The following POLA1 variants were observed in gnomAD, a reference collection of about 807,000 sequenced individuals.
The protein encoded by POLA1 is DNA polymerase alpha 1, catalytic subunit, also known as DNA polymerase alpha catalytic subunit.
POLA1 carries 15 observed loss-of-function variants against 124.0 expected under a neutral mutation model. That is an observed-to-expected ratio of 0.12 (90% CI 0.08 to 0.19). The LOEUF (loss-of-function observed/expected upper bound fraction) is 0.19. POLA1 is among the 10% of genes least tolerant of loss of function. The pLI is 1.00. For missense variants in POLA1, 886 were observed against 1,103.4 expected (o/e 0.80, Z 2.79); for synonymous variants, 408 against 389.4 (o/e 1.05, Z -0.56).
At chrX:24,861,781 C>T (rs1247139474) in intron 34 of POLA1, among the ~76,000 whole-genome samples, 2 of 112,274 alleles carry the variant, frequency 1.8e-5, no homozygotes, top group Non-Finnish European at 3.8e-5. Context: ...GAATTTACTT[C>T]AAGCCAAATT....
intron 26 of POLA1, among the ~76,000 whole-genome samples, chrX:24,807,925 T>A (rs757411751): frequency 8.9e-6 from 1 of 111,928 alleles, no homozygotes; most frequent in South Asian, 3.7e-4. Context: ...CACAGTTAAC[T>A]GTTGGAAGAC....
chrX:24,838,596 A>G (rs1381760957), intron 32 of POLA1, among the ~76,000 whole-genome samples: 1 of 112,610 alleles, frequency 8.9e-6, no homozygotes, highest in Non-Finnish European at 1.9e-5. Flanking sequence ...TAGAAGCAAT[A>G]AGGAATTTGG....
intron 21 of POLA1, 71 bp downstream of exon 21, chrX:24,741,575 T>C (rs747677816): frequency 2.2e-6 from 2 of 919,918 alleles, no homozygotes; most frequent in East Asian, 6.2e-5. Context: ...GTAGTTGTTA[T>C]ATGATAATGA....
intron 35 of POLA1, among the ~76,000 whole-genome samples, chrX:24,913,727 A>AC (rs1373279382): frequency 1.0e-5 from 1 of 96,816 alleles, no homozygotes; most frequent in African/African-American, 4.0e-5. Flanking sequence ...AAAAAAACAA[A>AC]AAAAAAACAG....
chrX:24,874,250 T>A (rs2046903871), intron 34 of POLA1, among the ~76,000 whole-genome samples: 1 of 112,372 alleles, frequency 8.9e-6, no homozygotes, highest in South Asian at 3.7e-4. Context: ...GACACTGTTT[T>A]CACCAGCACT....
intron 32 of POLA1, among the ~76,000 whole-genome samples, chrX:24,827,615 T>G (rs2046192812): frequency 8.9e-6 from 1 of 112,520 alleles, no homozygotes; most frequent in Non-Finnish European, 1.9e-5. Context: ...ACATCTAGCT[T>G]TAGCCATGGG....
intron 4 of POLA1, among the ~76,000 whole-genome samples, chrX:24,709,510 G>A (rs1195645839): frequency 1.8e-5 from 2 of 108,512 alleles, no homozygotes; most frequent in Non-Finnish European, 3.9e-5. Flanking sequence ...CCTCCCTCCC[G>A]GACGGGGTGG....
chrX:24,978,704 G>A (rs908002854), intron 36 of POLA1, among the ~76,000 whole-genome samples: 2 of 112,096 alleles, frequency 1.8e-5, no homozygotes, highest in African/African-American at 3.2e-5. Flanking sequence ...TAATGGCAGA[G>A]TCAGGATTGC....
intron 36 of POLA1, among the ~76,000 whole-genome samples, chrX:24,954,757 T>G (rs757794275): frequency 8.9e-6 from 1 of 112,217 alleles, no homozygotes; most frequent in Non-Finnish European, 1.9e-5. Context: ...TGGACCACAG[T>G]AAATCATGGA....
intron 26 of POLA1, among the ~76,000 whole-genome samples, chrX:24,795,880 G>T (rs1311174436): frequency 9.0e-6 from 1 of 110,729 alleles, no homozygotes; most frequent in African/African-American, 3.3e-5. Context: ...GGCTTGCTCT[G>T]AGGTTAAAGG....
chrX:24,703,741 C>T (rs146141403), intron 3 of POLA1, among the ~76,000 whole-genome samples: 1,195 of 111,936 alleles, frequency 0.011, 9 homozygotes, highest in Non-Finnish European at 0.015. Context: ...AATCTCTCTG[C>T]GCCTTAGAGT....
At chrX:24,769,135 T>G (rs2044972856) in intron 26 of POLA1, among the ~76,000 whole-genome samples, 1 of 112,176 alleles carries the variant, frequency 8.9e-6, no homozygotes, top group African/African-American at 3.2e-5. Context: ...CACTTTTTCC[T>G]CATTCTATGT....
intron 36 of POLA1, among the ~76,000 whole-genome samples, chrX:24,937,886 G>C (rs111928219): frequency 0.011 from 1,198 of 112,100 alleles, 16 homozygotes; most frequent in African/African-American, 0.037. Flanking sequence ...AACTATGCAG[G>C]CTACAGAAGG....
intron 32 of POLA1, among the ~76,000 whole-genome samples, chrX:24,838,148 A>T (rs1244230333): frequency 8.9e-6 from 1 of 112,005 alleles, no homozygotes; most frequent in African/African-American, 3.2e-5. Flanking sequence ...AAGTAAAGAC[A>T]GTACTGCTAA....
chrX:24,706,424 A>G (rs1052547105), intron 4 of POLA1, among the ~76,000 whole-genome samples: 56 of 112,036 alleles, frequency 5.0e-4, no homozygotes, highest in Non-Finnish European at 1.7e-4. Flanking sequence ...GGGGAATGGT[A>G]TCCAGATATG....
intron 35 of POLA1, among the ~76,000 whole-genome samples, chrX:24,889,135 G>T (rs923104638): frequency 4.5e-5 from 5 of 111,417 alleles, no homozygotes; most frequent in African/African-American, 1.6e-4. Context: ...CTCCCAAAGT[G>T]CTGGGATTAC....
At chrX:24,851,777 G>A (rs1208684448) in intron 34 of POLA1, among the ~76,000 whole-genome samples, 1 of 112,834 alleles carries the variant, frequency 8.9e-6, no homozygotes, top group African/African-American at 3.2e-5. Flanking sequence ...TCTCTAACCT[G>A]GTGTATTTAG....
chrX:24,966,582 CTGAG>C (rs2048226813), intron 36 of POLA1, among the ~76,000 whole-genome samples: 1 of 112,248 alleles, frequency 8.9e-6, no homozygotes, highest in African/African-American at 3.2e-5. Flanking sequence ...ATAACAATAT[CTGAG>C]TGCATGTTTG....
At chrX:24,725,814 T>C (rs1004325497) in intron 12 of POLA1, among the ~76,000 whole-genome samples, 167 bp from the exon 13 acceptor site, 1 of 112,225 alleles carries the variant, frequency 8.9e-6, no homozygotes, top group Non-Finnish European at 1.9e-5. Context: ...ATTTTGACAC[T>C]GGTTGTTTTA....
Sources: allele counts gnomAD v4.1 joint callset (sites outside exome capture counted in the v4.1 genomes callset), GRCh38; gene constraint gnomAD v4.1.1; transcripts MANE v1.5; gene names NCBI Gene and HGNC (gene_info 2026-07-23, HGNC 2026-07-21).